PTPRN2: variants seen among roughly 807,000 people sequenced by gnomAD.
PTPRN2 encodes the protein receptor-type tyrosine-protein phosphatase N2.
In PTPRN2, 74 loss-of-function variants were observed where a neutral mutation model predicts 118.8. That is an observed-to-expected ratio of 0.62 (90% CI 0.52 to 0.76). The LOEUF (loss-of-function observed/expected upper bound fraction) is 0.76, where lower values mean the gene tolerates loss of function less well. PTPRN2 is among the 30% of genes least tolerant of loss of function. PTPRN2 has a pLI of 0.00. For missense variants in PTPRN2, 1,481 were observed against 1,394.4 expected, an observed-to-expected ratio of 1.06 and a Z score of -0.99; for synonymous variants, 641 against 608.0, an observed-to-expected ratio of 1.05 and a Z score of -0.80.
chr7:158,299,281 G>T (rs369250213), intron 3 of PTPRN2, among the ~76,000 whole-genome samples: 1 of 150,084 alleles, frequency 6.7e-6, no homozygotes, highest in South Asian at 2.1e-4. Flanking sequence ...GCAGATGCAC[G>T]CAGGGCTCTC....
intron 13 of PTPRN2, chr7:157,669,434 C>CAG: frequency 2.2e-6 from 1 of 456,094 alleles, no homozygotes; most frequent in South Asian, 1.6e-5. Context: ...CGCACACACA[C>CAG]ACACACCCAG....
rs560777496 is a variant in PTPRN2, at chr7:157,557,326, C to A, written c.2903-8307G>T. On this transcript the variant is annotated intron_variant, in intron 21 of 22. Transcript: ENST00000389418. ...ACACTTCACACTCTCACACAATACA[C>A]CCCACATCACACATGCACATCCTTT... Among the ~76,000 whole-genome samples, 7 of 151,950 alleles carry A rather than the reference C, an allele frequency of 4.6e-5. No homozygotes were observed. In the East Asian group the frequency reaches 1.2e-3, roughly 25 times the overall value.
intron 2 of PTPRN2, among the ~76,000 whole-genome samples, chr7:158,482,203 A>G (rs994177644): frequency 8.5e-5 from 13 of 152,246 alleles, no homozygotes; most frequent in African/African-American, 3.1e-4. Context: ...ATCAGAACAA[A>G]GGATTCAGAA....
chr7:158,187,886 G>A (rs1282170746), intron 5 of PTPRN2, among the ~76,000 whole-genome samples: 1 of 152,162 alleles, frequency 6.6e-6, no homozygotes, highest in Admixed American at 6.5e-5. Flanking sequence ...AGATTCCAAG[G>A]TGACACAGCC....
At chr7:158,004,546 A>G (rs889408153) in intron 11 of PTPRN2, among the ~76,000 whole-genome samples, 3 of 152,294 alleles carry the variant, frequency 2.0e-5, no homozygotes, top group East Asian at 1.9e-4. Context: ...TGTTTACATT[A>G]TATTTCTCTG....
intron 9 of PTPRN2, among the ~76,000 whole-genome samples, chr7:158,121,105 TTCTC>T (rs1563462538): frequency 6.6e-6 from 1 of 152,136 alleles, no homozygotes; most frequent in Non-Finnish European, 1.5e-5. Context: ...GCCTGGGCTT[TTCTC>T]TCTGCCTGGG....
At position 157,964,745 on chromosome 7, in the gene PTPRN2, C is replaced by T. The variant is rs772000298; in HGVS notation, c.1724-66008G>A. Among the ~76,000 whole-genome samples the T allele has an allele frequency of 1.1e-4, 16 of 152,160 alleles. No homozygotes were observed. The highest frequency in any genetic ancestry group is 1.8e-4 in the Non-Finnish European group (12 of 68,040). ...GCTTGGCACTGGGTGCTCTGATTCC[C>T]TTCCTCAAGCTTCCCACTTGAAGGT... On this transcript the variant is annotated intron_variant, in intron 11 of 22. Coordinates refer to ENST00000389418, the MANE Select transcript of PTPRN2 (RefSeq NM_002847.5). The surrounding 1 kb of genome is among the most constrained non-coding windows in gnomAD (Gnocchi z 9.0).
intron 12 of PTPRN2, among the ~76,000 whole-genome samples, chr7:157,840,215 C>A (rs764478377): frequency 4.2e-5 from 6 of 141,570 alleles, no homozygotes; most frequent in Non-Finnish European, 9.1e-5. Context: ...GACTGTGTGG[C>A]CACGTGTGAC....
At chr7:158,487,569 C>T (rs1234291439) in intron 2 of PTPRN2, among the ~76,000 whole-genome samples, 2 of 152,102 alleles carry the variant, frequency 1.3e-5, no homozygotes, top group African/African-American at 4.8e-5. Flanking sequence ...ATTATATATT[C>T]CTACACGTAC....
intron 14 of PTPRN2, among the ~76,000 whole-genome samples, chr7:157,636,422 C>T (rs1804324496): frequency 6.6e-6 from 1 of 152,138 alleles, no homozygotes; most frequent in East Asian, 1.9e-4. Flanking sequence ...AAAAAAACAA[C>T]AACAACAATT....
At chr7:158,096,084 T>C (rs1363864419) in intron 10 of PTPRN2, among the ~76,000 whole-genome samples, 1 of 152,210 alleles carries the variant, frequency 6.6e-6, no homozygotes, top group Non-Finnish European at 1.5e-5. Context: ...ATTAGAGTGT[T>C]TTTTTTCCTA....
intron 11 of PTPRN2, among the ~76,000 whole-genome samples, chr7:157,994,676 ACGCCGCGTCCC>A (rs1804560377): frequency 1.6e-5 from 2 of 123,390 alleles, no homozygotes; most frequent in African/African-American, 7.5e-5. Flanking sequence ...CCTAAAATCA[ACGCCGCGTCCC>A]CAGCTTACAG....
intron 11 of PTPRN2, among the ~76,000 whole-genome samples, chr7:157,993,790 G>A (rs946631515): frequency 2.0e-5 from 3 of 152,140 alleles, no homozygotes; most frequent in African/African-American, 7.2e-5. Flanking sequence ...GACCCTACGG[G>A]GGTTGAAGGC....
In PTPRN2 at chr7:158,088,365, T is replaced by C. The variant is rs1464664943; in HGVS notation, c.1644-6988A>G. Among the ~76,000 whole-genome samples, 2 of 26,438 alleles carry C rather than the reference T, an allele frequency of 7.6e-5. 1 individual carries two copies. The allele number at this position is 26,438 out of a possible 152,430, so 17.3% of individuals were successfully genotyped here. A position where few individuals can be genotyped will look rare whatever the true frequency, so the allele number is the denominator to read the frequency against. On this transcript the variant is annotated intron_variant, in intron 10 of 22. Coordinates refer to ENST00000389418, the MANE Select transcript of PTPRN2 (RefSeq NM_002847.5). ...TCCTCCCCTGATGAAAGAGGGAGTC[T>C]TCACACAAACCCTTCTTCCCCTGAT...
At chr7:158,151,468 T>A (rs990773682) in intron 6 of PTPRN2, among the ~76,000 whole-genome samples, 3 of 145,602 alleles carry the variant, frequency 2.1e-5, no homozygotes, top group South Asian at 2.2e-4. Context: ...CCACCCGCCT[T>A]TCTATTCCTG....
At chr7:157,988,693 T>C (rs1266359873) in intron 11 of PTPRN2, among the ~76,000 whole-genome samples, 1 of 152,192 alleles carries the variant, frequency 6.6e-6, no homozygotes, top group African/African-American at 2.4e-5. Context: ...GAAATGCCCA[T>C]GACCCGGTCC....
intron 1 of PTPRN2, among the ~76,000 whole-genome samples, chr7:158,530,380 A>T (rs1458774812): frequency 1.3e-5 from 2 of 152,184 alleles, no homozygotes; most frequent in African/African-American, 4.8e-5. Flanking sequence ...GGAAGGTGGC[A>T]ATTTGCGGAG....
intron 21 of PTPRN2, 51 bp from the exon 22 acceptor site, chr7:157,549,070 C>T: frequency 1.3e-6 from 2 of 1,542,328 alleles, no homozygotes; most frequent in Non-Finnish European, 1.8e-6. Context: ...ATAATCCATG[C>T]CACATCTGTC....
intron 12 of PTPRN2, among the ~76,000 whole-genome samples, chr7:157,827,689 C>A (rs1459590715): frequency 6.6e-6 from 1 of 152,206 alleles, no homozygotes; most frequent in Non-Finnish European, 1.5e-5. Flanking sequence ...TGAGCGAGGA[C>A]TGAGGACCAG....
Sources: allele counts gnomAD v4.1 joint callset (sites outside exome capture counted in the v4.1 genomes callset), GRCh38; gene constraint gnomAD v4.1.1; non-coding constraint Gnocchi (gnomAD v3.1); transcripts MANE v1.5; gene names NCBI Gene and HGNC (gene_info 2026-07-23, HGNC 2026-07-21).